The following PECR variants were observed in gnomAD, a reference collection of about 807,000 sequenced individuals.
PECR encodes the protein 2,4-dienoyl-CoA reductase-related protein.
In PECR, 30 loss-of-function variants were observed where a neutral mutation model predicts 35.3. The ratio of observed to expected loss-of-function variants is 0.85; its 90% CI spans 0.64 to 1.15. The LOEUF (loss-of-function observed/expected upper bound fraction) is 1.15. Ranked by LOEUF, PECR falls within the 50% of genes most tolerant of loss-of-function variation. The pLI, the probability that PECR is intolerant of heterozygous loss-of-function variation, is 0.00. For missense variants in PECR, 392 were observed against 370.8 expected, an observed-to-expected ratio of 1.06 and a Z score of -0.47; for synonymous variants, 148 against 138.9, an observed-to-expected ratio of 1.07 and a Z score of -0.46.
intron 7 of PECR, among the ~76,000 whole-genome samples, chr2:216,043,050 T>C (rs931495879): frequency 0.014 from 1,809 of 130,078 alleles, 54 homozygotes; most frequent in Non-Finnish European, 0.022. Flanking sequence ...TATATATATA[T>C]ACACATACGT....
At chr2:216,072,748 T>A (rs1247167879) in intron 1 of PECR, among the ~76,000 whole-genome samples, 1 of 152,212 alleles carries the variant, frequency 6.6e-6, no homozygotes. Flanking sequence ...ATATAACATA[T>A]TTTCTTTATC....
intron 1 of PECR, among the ~76,000 whole-genome samples, chr2:216,080,323 G>A (rs1023012924): frequency 9.2e-5 from 14 of 152,278 alleles, no homozygotes; most frequent in African/African-American, 2.9e-4. Context: ...TTATCTGCCC[G>A]CCTCGGCCTC....
At chr2:216,045,420 T>C (rs1694971488) in intron 6 of PECR, among the ~76,000 whole-genome samples, 1 of 152,252 alleles carries the variant, frequency 6.6e-6, no homozygotes, top group African/African-American at 2.4e-5. Flanking sequence ...AAATATCTCA[T>C]TAATCCTGGA....
intron 1 of PECR, among the ~76,000 whole-genome samples, chr2:216,080,229 A>G (rs1695806344): frequency 1.3e-5 from 2 of 151,856 alleles, no homozygotes; most frequent in Non-Finnish European, 2.9e-5. Context: ...CTACAGGTGT[A>G]CGCCACCATG....
chr2:216,064,711 G>C (rs1436675896), intron 3 of PECR, among the ~76,000 whole-genome samples: 1 of 152,188 alleles, frequency 6.6e-6, no homozygotes, highest in African/African-American at 2.4e-5. Context: ...CAAGACCTCT[G>C]ACTTGTAGAT....
intron 1 of PECR, among the ~76,000 whole-genome samples, chr2:216,071,523 ATCTC>A (rs1695587987): frequency 6.6e-6 from 1 of 152,078 alleles, no homozygotes; most frequent in Non-Finnish European, 1.5e-5. Context: ...TGATAGATAA[ATCTC>A]TCTCCTAGTT....
chr2:216,056,108 C>G (rs1027016037), intron 4 of PECR, among the ~76,000 whole-genome samples: 2 of 152,140 alleles, frequency 1.3e-5, no homozygotes, highest in Non-Finnish European at 2.9e-5. Context: ...TGCTCCCCTA[C>G]TAGTTGTAGA....
intron 4 of PECR, among the ~76,000 whole-genome samples, chr2:216,058,478 A>T (rs115063501): frequency 0.013 from 1,959 of 152,266 alleles, 54 homozygotes; most frequent in African/African-American, 0.045. Flanking sequence ...ACAACTTAGC[A>T]GTCCTGTGTA....
At chr2:216,040,775 G>A (rs1043278541) in intron 7 of PECR, among the ~76,000 whole-genome samples, 4 of 152,110 alleles carry the variant, frequency 2.6e-5, no homozygotes, top group South Asian at 2.1e-4. Flanking sequence ...GGATCCTGAG[G>A]CAGGAGAATT....
intron 6 of PECR, among the ~76,000 whole-genome samples, chr2:216,044,724 G>A (rs1328217291): frequency 6.6e-6 from 1 of 152,016 alleles, no homozygotes; most frequent in Non-Finnish European, 1.5e-5. Flanking sequence ...ATAAACCAAA[G>A]GCACTTCAGA....
intron 1 of PECR, among the ~76,000 whole-genome samples, chr2:216,079,467 A>G (rs1306844880): frequency 6.6e-6 from 1 of 150,730 alleles, no homozygotes; most frequent in African/African-American, 2.4e-5. Context: ...TCCCGGGTTC[A>G]CGCCATTCTC....
At chr2:216,053,444 C>G (rs1334898034) in intron 4 of PECR, among the ~76,000 whole-genome samples, 2 of 151,704 alleles carry the variant, frequency 1.3e-5, no homozygotes, top group Non-Finnish European at 2.9e-5. Flanking sequence ...GGGGGTTTCA[C>G]CGTGTTAGCC....
At chr2:216,066,941 T>A (rs1695479752) in intron 1 of PECR, among the ~76,000 whole-genome samples, 1 of 152,006 alleles carries the variant, frequency 6.6e-6, no homozygotes, top group Non-Finnish European at 1.5e-5. Flanking sequence ...TTGCCCTCCA[T>A]CCTGAAATAA....
intron 3 of PECR, among the ~76,000 whole-genome samples, chr2:216,061,918 T>C (rs1399825331): frequency 1.3e-5 from 2 of 152,138 alleles, no homozygotes; most frequent in Non-Finnish European, 2.9e-5. Context: ...AAAGTACCTT[T>C]GTATCTGTAA....
At position 216,066,414 on chromosome 2, in the gene PECR, T is replaced by C. The variant is rs764964946; in HGVS notation, c.229A>G (p.Ile77Val). 2.0e-5 allele frequency: 32 copies of C among 1,613,218 alleles called. No homozygotes were observed. The highest frequency in any genetic ancestry group is 2.5e-5 in the Non-Finnish European group (30 of 1,179,260). ...PPTKQARVIP[I>V]QCNIRNEEEV... is the part of the protein sequence containing the mutation. ...TCCTCATTCCGGATGTTGCATTGTATGGGAATGACTCGTGCCTGCTTTGTG... is the reference window on the plus strand; with the variant it reads ...TCCTCATTCCGGATGTTGCATTGTACGGGAATGACTCGTGCCTGCTTTGTG... The change falls in exon 2 of 8, where the codon ATA (isoleucine) becomes GTA (valine). Residue 77 changes from isoleucine (I) to valine (V), a missense_variant. By Grantham distance (29) the Ile-to-Val change is conservative. Coordinates refer to ENST00000265322, the MANE Select transcript of PECR (RefSeq NM_018441.6).
chr2:216,046,304 A>ATTTTTTT (rs1559209216), intron 6 of PECR, among the ~76,000 whole-genome samples: 5 of 115,108 alleles, frequency 4.3e-5, no homozygotes, highest in African/African-American at 2.0e-4. Context: ...ATATATATAT[A>ATTTTTTT]TATATATTTT....
chr2:216,051,642 C>T, intron 4 of PECR, 97 bp from the exon 5 acceptor site: 1 of 793,116 alleles, frequency 1.3e-6, no homozygotes, highest in Non-Finnish European at 2.3e-6. Flanking sequence ...GACAGAATTC[C>T]ACAAGAGACT....
At chr2:216,078,231 GA>G (rs1361135809) in intron 1 of PECR, among the ~76,000 whole-genome samples, 6 of 152,078 alleles carry the variant, frequency 3.9e-5, no homozygotes, top group Admixed American at 2.0e-4. Flanking sequence ...CTGGAGGTCC[GA>G]GTTCAAGACC....
intron 4 of PECR, among the ~76,000 whole-genome samples, chr2:216,054,444 T>C (rs1192689780): frequency 6.9e-6 from 1 of 145,694 alleles, no homozygotes; most frequent in African/African-American, 2.5e-5. Context: ...CAAGTGATTC[T>C]CATACCTCAG....
Sources: allele counts gnomAD v4.1 joint callset (sites outside exome capture counted in the v4.1 genomes callset), GRCh38; gene constraint gnomAD v4.1.1; transcripts MANE v1.5; gene names NCBI Gene and HGNC (gene_info 2026-07-23, HGNC 2026-07-21).